ACTG2: variants seen among roughly 807,000 people sequenced by gnomAD.
The protein encoded by ACTG2 is actin, gamma-enteric smooth muscle.
ACTG2 carries 16 observed loss-of-function variants against 37.6 expected under a neutral mutation model. The observed-to-expected ratio is 0.43, with a 90% confidence interval of 0.29 to 0.65. The LOEUF (loss-of-function observed/expected upper bound fraction) is 0.65, where lower values mean the gene tolerates loss of function less well. Among genes scored for constraint, ACTG2 ranks in the 30% least tolerant of loss-of-function variants. The pLI is 0.18. For synonymous variants in ACTG2, 181 were observed against 179.9 expected (o/e 1.01, Z -0.05); for missense variants, 238 against 490.9 (o/e 0.48, Z 4.87).
intron 1 of ACTG2, among the ~76,000 whole-genome samples, chr2:73,900,803 T>C (rs570048466): frequency 6.6e-6 from 1 of 152,326 alleles, no homozygotes; most frequent in South Asian, 2.1e-4. Context: ...GAGGTAATCA[T>C]GATAATCAGT....
chr2:73,908,435 G>A (rs541321612), intron 3 of ACTG2: 1 of 605,440 alleles, frequency 1.7e-6, no homozygotes, highest in South Asian at 1.5e-5. Flanking sequence ...AAGGTCAAAT[G>A]GAAATAATGA....
At chr2:73,903,988 G>C (rs1679951115) in intron 3 of ACTG2, among the ~76,000 whole-genome samples, 1 of 146,924 alleles carries the variant, frequency 6.8e-6, no homozygotes, top group Admixed American at 6.8e-5. Flanking sequence ...ATAGAGGCCA[G>C]TGGCTCATGC....
intron 2 of ACTG2, 23 bp downstream of exon 2, chr2:73,901,460 C>A (rs766006420): frequency 6.2e-7 from 1 of 1,612,972 alleles, no homozygotes; most frequent in Admixed American, 1.7e-5. Flanking sequence ...CTGGATACCA[C>A]CAGGCTTTGA....
chr2:73,909,284 C>A, intron 5 of ACTG2, 145 bp downstream of exon 5: 1 of 689,086 alleles, frequency 1.5e-6, no homozygotes, highest in South Asian at 1.8e-5. Flanking sequence ...GGTGAGAATG[C>A]CCATGTGGAA....
At chr2:73,900,718 G>T (rs1618091) in intron 1 of ACTG2, among the ~76,000 whole-genome samples, 71,101 of 152,100 alleles carry the variant, frequency 0.47, 19,333 homozygotes, top group Admixed American at 0.62. Context: ...TGCAAATGCA[G>T]CCTCCTTGTA....
At chr2:73,908,930 G>C in intron 4 of ACTG2, 125 bp from the exon 5 acceptor site, 1 of 1,219,434 alleles carries the variant, frequency 8.2e-7, no homozygotes, top group Non-Finnish European at 1.2e-6. Flanking sequence ...GGGGGAGTGG[G>C]TGTGGAATAA....
chr2:73,893,393 A>G (rs1679670508), intron 1 of ACTG2, among the ~76,000 whole-genome samples: 1 of 152,166 alleles, frequency 6.6e-6, no homozygotes, highest in Non-Finnish European at 1.5e-5. Context: ...AATGTCTGGG[A>G]GGCTGTTTTA....
chr2:73,914,570 A>AC, intron 6 of ACTG2, 110 bp from the exon 7 acceptor site: 1 of 905,846 alleles, frequency 1.1e-6, no homozygotes, highest in East Asian at 3.2e-5. Context: ...AAAAAAAAAA[A>AC]AAAAAAAGAA....
intron 1 of ACTG2, among the ~76,000 whole-genome samples, chr2:73,900,811 A>T (rs1383965933): frequency 6.6e-6 from 1 of 152,150 alleles, no homozygotes; most frequent in East Asian, 1.9e-4. Flanking sequence ...CATGATAATC[A>T]GTTTGCTAGG....
At chr2:73,909,496 G>A (rs935532713) in intron 5 of ACTG2, among the ~76,000 whole-genome samples, 14 of 152,188 alleles carry the variant, frequency 9.2e-5, no homozygotes, top group Admixed American at 3.9e-4. Flanking sequence ...ACAGGGATAC[G>A]TTCCGAGAAA....
intron 3 of ACTG2, among the ~76,000 whole-genome samples, chr2:73,906,005 G>A (rs182570049): frequency 8.8e-4 from 133 of 150,536 alleles, no homozygotes; most frequent in Non-Finnish European, 1.3e-3. Context: ...TTTGAACATA[G>A]TATAATAATA....
chr2:73,898,792 TTTTTTTTTTC>T (rs1374712918), intron 1 of ACTG2, among the ~76,000 whole-genome samples: 127 of 99,886 alleles, frequency 1.3e-3, no homozygotes, highest in African/African-American at 1.6e-3. Flanking sequence ...TTTTCTTTTC[TTTTTTTTTTC>T]TTTTTTTTTT....
intron 1 of ACTG2, among the ~76,000 whole-genome samples, chr2:73,893,365 TC>T (rs1558618732): frequency 6.6e-6 from 1 of 152,206 alleles, no homozygotes; most frequent in Non-Finnish European, 1.5e-5. Flanking sequence ...CACCCTGATG[TC>T]CTTTGTCTTG....
chr2:73,905,997 T>G (rs1263167402), intron 3 of ACTG2, among the ~76,000 whole-genome samples: 1 of 151,008 alleles, frequency 6.6e-6, no homozygotes, highest in African/African-American at 2.4e-5. Flanking sequence ...AAAACAAATT[T>G]GAACATAGTA....
chr2:73,899,313 A>G (rs1679825891), intron 1 of ACTG2, among the ~76,000 whole-genome samples: 1 of 152,070 alleles, frequency 6.6e-6, no homozygotes, highest in Non-Finnish European at 1.5e-5. Context: ...AAAAATTTTT[A>G]TATCAGCCAG....
At chr2:73,914,288 G>A (rs901157146) in intron 6 of ACTG2, among the ~76,000 whole-genome samples, 9 of 152,116 alleles carry the variant, frequency 5.9e-5, no homozygotes, top group Non-Finnish European at 4.4e-5. Context: ...GGCCAGGCGT[G>A]GTGGCTCACG....
chr2:73,898,135 G>A (rs1679788561), intron 1 of ACTG2, among the ~76,000 whole-genome samples: 1 of 151,402 alleles, frequency 6.6e-6, no homozygotes, highest in African/African-American at 2.4e-5. Context: ...GCTGCCAACC[G>A]CTCTGGAGAG....
chr2:73,917,198 A>AATAC (rs1213601895), intron 8 of ACTG2, among the ~76,000 whole-genome samples: 2 of 151,936 alleles, frequency 1.3e-5, no homozygotes, highest in East Asian at 3.9e-4. Context: ...AAAATAAATA[A>AATAC]ATAAATAAAT....
intron 1 of ACTG2, among the ~76,000 whole-genome samples, chr2:73,899,307 A>T (rs1242975767): frequency 1.3e-5 from 2 of 151,946 alleles, no homozygotes; most frequent in African/African-American, 2.4e-5. Flanking sequence ...ACAGAAAAAA[A>T]TTTTTATATC....
Sources: gnomAD v4.1 joint callset for allele counts (sites outside exome capture counted in the v4.1 genomes callset) on GRCh38, gnomAD v4.1.1 for gene constraint, MANE v1.5 for transcripts, NCBI Gene and HGNC (gene_info 2026-07-23, HGNC 2026-07-21) for gene names.